PIAS2: variants seen among roughly 807,000 people sequenced by gnomAD.
PIAS2 encodes the protein E3 SUMO-protein ligase PIAS2.
Under a neutral mutation model 69.7 loss-of-function variants are expected in PIAS2, and 19 were observed. The observed-to-expected ratio is 0.27, with a 90% CI of 0.19 to 0.40. The LOEUF (loss-of-function observed/expected upper bound fraction) is 0.40, where lower values mean the gene tolerates loss of function less well. Among genes scored for constraint, PIAS2 ranks in the 10% least tolerant of loss-of-function variants. The pLI is 1.00. For synonymous variants in PIAS2, 261 were observed against 263.2 expected, an observed-to-expected ratio of 0.99 and a Z score of 0.08; for missense variants, 624 against 757.0, an observed-to-expected ratio of 0.82 and a Z score of 2.06.
chr18:46,898,078 C>T (rs1203610371), intron 1 of PIAS2, among the ~76,000 whole-genome samples: 1 of 152,008 alleles, frequency 6.6e-6, no homozygotes, highest in Non-Finnish European at 1.5e-5. Flanking sequence ...TGGTCTTAAA[C>T]TTCTGGGTCC....
intron 2 of PIAS2, among the ~76,000 whole-genome samples, chr18:46,866,579 T>A (rs1262022246): frequency 6.6e-6 from 1 of 152,232 alleles, no homozygotes; most frequent in East Asian, 1.9e-4. Flanking sequence ...ATGAAAATCA[T>A]ACAGTAAATA....
intron 1 of PIAS2, among the ~76,000 whole-genome samples, chr18:46,903,002 A>T (rs2056115520): frequency 6.6e-6 from 1 of 152,228 alleles, no homozygotes; most frequent in Non-Finnish European, 1.5e-5. Context: ...GATCAACTGG[A>T]CACCCATAGA....
intron 8 of PIAS2, among the ~76,000 whole-genome samples, chr18:46,838,291 A>C (rs898395945): frequency 6.6e-6 from 1 of 152,230 alleles, no homozygotes; most frequent in African/African-American, 2.4e-5. Flanking sequence ...CACTTTCACA[A>C]TTACATAACA....
intron 1 of PIAS2, among the ~76,000 whole-genome samples, chr18:46,911,965 C>T (rs1274168510): frequency 1.3e-5 from 2 of 152,064 alleles, no homozygotes; most frequent in African/African-American, 4.8e-5. Flanking sequence ...GCAGGAGAAT[C>T]GCTTGAACCC....
intron 2 of PIAS2, among the ~76,000 whole-genome samples, chr18:46,879,197 CT>C (rs1012466007): frequency 1.3e-5 from 2 of 152,126 alleles, no homozygotes; most frequent in African/African-American, 4.8e-5. Context: ...AGGAGCAGGA[CT>C]TCTAAAACTC....
intron 2 of PIAS2, among the ~76,000 whole-genome samples, chr18:46,864,522 A>G (rs202197418): frequency 1.3e-5 from 2 of 152,130 alleles, no homozygotes; most frequent in Non-Finnish European, 2.9e-5. Flanking sequence ...TGTAATCCCA[A>G]CACTTTGGGA....
chr18:46,849,405 T>C (rs945228762), intron 5 of PIAS2, among the ~76,000 whole-genome samples: 12 of 152,326 alleles, frequency 7.9e-5, no homozygotes, highest in African/African-American at 2.9e-4. Flanking sequence ...TTATAAAATA[T>C]AAAGTTTAGC....
chr18:46,909,309 C>A (rs2056995583), intron 1 of PIAS2, among the ~76,000 whole-genome samples: 2 of 152,054 alleles, frequency 1.3e-5, no homozygotes, highest in South Asian at 2.1e-4. Flanking sequence ...CCCAAGCTGG[C>A]GTGCAATGGC....
intron 11 of PIAS2, among the ~76,000 whole-genome samples, chr18:46,825,029 C>T (rs572341851): frequency 4.3e-4 from 65 of 151,834 alleles, no homozygotes; most frequent in African/African-American, 1.2e-3. Context: ...AAAATAGTTG[C>T]TCACATAATT....
intron 3 of PIAS2, among the ~76,000 whole-genome samples, chr18:46,860,512 C>T (rs890432532): frequency 4.6e-5 from 7 of 152,206 alleles, no homozygotes; most frequent in African/African-American, 1.4e-4. Context: ...AATTAAAGAG[C>T]GCTCAAAGTG....
intron 2 of PIAS2, among the ~76,000 whole-genome samples, chr18:46,885,143 A>T (rs1282114349): frequency 2.6e-5 from 4 of 152,172 alleles, no homozygotes; most frequent in Non-Finnish European, 5.9e-5. Context: ...CAAGTGATAA[A>T]AAAAATTTTA....
rs1007142295 is a variant in PIAS2, at chr18:46,811,570, C to T, written c.*863G>A. On this transcript the variant is annotated 3_prime_UTR_variant, in exon 14 of 14. Transcript: ENST00000585916. Reference sequence around the variant, plus strand: ...TTTCTAACAAACATTCCAGTCACACCGTACCCCAAAGACATTTCATTCAAT... The same window carrying T: ...TTTCTAACAAACATTCCAGTCACACTGTACCCCAAAGACATTTCATTCAAT... 5 of 152,080 alleles carry T rather than the reference C, an allele frequency of 3.3e-5. No homozygotes were observed. The highest frequency in any genetic ancestry group is 1.9e-4 in the East Asian group (1 of 5,194). The allele number at this position is 152,080 out of a possible 1,614,324, so 9.4% of individuals were successfully genotyped here.
At chr18:46,916,223 AC>A (rs1211473507) in intron 1 of PIAS2, among the ~76,000 whole-genome samples, 1 of 152,180 alleles carries the variant, frequency 6.6e-6, no homozygotes, top group Non-Finnish European at 1.5e-5. Flanking sequence ...TAAGCAGGTA[AC>A]CAGCCAACAT....
At chr18:46,815,204 AG>A in intron 13 of PIAS2, 107 bp downstream of exon 13, 1 of 821,500 alleles carries the variant, frequency 1.2e-6, no homozygotes, top group Non-Finnish European at 2.0e-6. Context: ...CATCAATGTA[AG>A]TAATTCAGAG....
Position 46,890,570 on chromosome 18 carries a change from A to G in PIAS2, c.499+10T>C, listed in dbSNP as rs1321262879. On this transcript the variant is annotated intron_variant, in intron 2 of 13. Coordinates refer to ENST00000585916, the MANE Select transcript of PIAS2 (RefSeq NM_004671.5). ...CTTGTTCAGAAGAAACTGAATTCTC[A>G]AACACTTACCTAAACTCGTGGGCTT... 6.4e-7 allele frequency: 1 copy of G among 1,556,312 alleles called. No homozygotes were observed. Among genetic ancestry groups the G allele is most frequent in the Admixed American group, 1.7e-5 (1 of 58,034 alleles).
At chr18:46,918,968 GTTTA>G (rs2058325999), upstream of PIAS2, among the ~76,000 whole-genome samples, 1 of 150,488 alleles carries the variant, frequency 6.6e-6, no homozygotes, top group Non-Finnish European at 1.5e-5. Flanking sequence ...TTGTGTAATT[GTTTA>G]TTTGATATAT....
intron 1 of PIAS2, chr18:46,901,323 C>T (rs553979609): frequency 4.4e-5 from 13 of 294,894 alleles, no homozygotes; most frequent in South Asian, 1.7e-4. Flanking sequence ...GCAGGAGAAT[C>T]GCTTGAACCT....
At chr18:46,889,246 GA>G (rs1261138198) in intron 2 of PIAS2, among the ~76,000 whole-genome samples, 1 of 152,090 alleles carries the variant, frequency 6.6e-6, no homozygotes, top group Non-Finnish European at 1.5e-5. Context: ...GGAATTTCAT[GA>G]AAAAATGTTA....
At chr18:46,815,624 T>A (rs756298713) in intron 12 of PIAS2, 1 of 1,086,504 alleles carries the variant, frequency 9.2e-7, no homozygotes. Flanking sequence ...AACAAATATT[T>A]CCCCCTTTGC....
Sources: allele counts gnomAD v4.1 joint callset (sites outside exome capture counted in the v4.1 genomes callset), GRCh38; gene constraint gnomAD v4.1.1; transcripts MANE v1.5; gene names NCBI Gene and HGNC (gene_info 2026-07-23, HGNC 2026-07-21).